The following PLEKHA6 variants were observed in gnomAD, a reference collection of about 807,000 sequenced individuals.
PLEKHA6 encodes pleckstrin homology domain containing A6.
PLEKHA6 carries 60 observed loss-of-function variants against 116.7 expected under a neutral mutation model. That is an observed-to-expected ratio of 0.51 (90% CI 0.42 to 0.64). The LOEUF is 0.64. Ranked by LOEUF, PLEKHA6 falls within the 30% of genes least tolerant of loss-of-function variation. The probability of loss-of-function intolerance (pLI) is 0.00; values close to 1 mark genes in which losing one functional copy is unlikely to be tolerated. For missense variants in PLEKHA6, 1,338 were observed against 1,422.7 expected, an observed-to-expected ratio of 0.94 and a Z score of 0.96; for synonymous variants, 489 against 556.1, an observed-to-expected ratio of 0.88 and a Z score of 1.70.
chr1:204,292,667 A>AC, intron 1 of PLEKHA6, among the ~76,000 whole-genome samples: 1 of 152,150 alleles, frequency 6.6e-6, no homozygotes, highest in Non-Finnish European at 1.5e-5. Flanking sequence ...CTCACCCAGC[A>AC]CTGGGTGGAT....
chr1:204,278,216 C>T (rs1668224383), intron 1 of PLEKHA6, among the ~76,000 whole-genome samples: 1 of 152,240 alleles, frequency 6.6e-6, no homozygotes, highest in South Asian at 2.1e-4. Context: ...CATCCCCCTG[C>T]TTCTAGGCAA....
At chr1:204,352,961 G>C (rs1210607618) in intron 1 of PLEKHA6, among the ~76,000 whole-genome samples, 3 of 152,116 alleles carry the variant, frequency 2.0e-5, no homozygotes, top group Admixed American at 6.5e-5. Flanking sequence ...TTCCAGCCTG[G>C]GGGACAGAGT....
intron 1 of PLEKHA6, chr1:204,325,778 C>T (rs895530960): frequency 8.6e-6 from 3 of 348,660 alleles, no homozygotes; most frequent in African/African-American, 4.4e-5. Context: ...CCCAGGAGGC[C>T]TTGGCGCAAG....
chr1:204,377,123 C>G (rs1289194953), intron 1 of PLEKHA6, among the ~76,000 whole-genome samples: 2 of 152,144 alleles, frequency 1.3e-5, no homozygotes, highest in African/African-American at 4.8e-5. Flanking sequence ...CACGCTGAGT[C>G]TGGGGCGAGG....
chr1:204,320,077 C>T (rs1672003104), intron 1 of PLEKHA6, among the ~76,000 whole-genome samples: 1 of 152,170 alleles, frequency 6.6e-6, no homozygotes, highest in Non-Finnish European at 1.5e-5. Context: ...CAGGAAGCCA[C>T]AAGACTTAAG....
At chr1:204,364,132 A>C (rs1027756556), upstream of PLEKHA6, among the ~76,000 whole-genome samples, 1 of 152,206 alleles carries the variant, frequency 6.6e-6, no homozygotes, top group Admixed American at 6.5e-5. Context: ...AAAAGAAACA[A>C]AATAACTCCT....
At chr1:204,365,239 G>A (rs1673627266) in intron 3 of PLEKHA6, among the ~76,000 whole-genome samples, 1 of 152,230 alleles carries the variant, frequency 6.6e-6, no homozygotes, top group Non-Finnish European at 1.5e-5. Context: ...TCCTGTAAGT[G>A]ACGGGTAACA....
At chr1:204,351,140 G>A (rs539337216) in intron 1 of PLEKHA6, among the ~76,000 whole-genome samples, 5 of 152,334 alleles carry the variant, frequency 3.3e-5, no homozygotes, top group African/African-American at 4.8e-5. Context: ...GGGACCAGCC[G>A]GGCTACCGAG....
Position 204,257,349 on chromosome 1 carries a change from T to A in PLEKHA6, c.1524+4A>T. 6.4e-7 allele frequency: 1 copy of A among 1,559,732 alleles called. No individual in the cohort carries two copies. Among genetic ancestry groups the A allele is most frequent in the Non-Finnish European group, 8.7e-7 (1 of 1,151,336 alleles). Reference sequence around the variant, plus strand: ...GAGGAAGGAAGGGCAGGCTGGTGGCTCACCTTGGGGGAGCTGATGGATCGC... The same window carrying A: ...GAGGAAGGAAGGGCAGGCTGGTGGCACACCTTGGGGGAGCTGATGGATCGC... On this transcript the variant is annotated splice_donor_region_variant and intron_variant, in intron 9 of 22. Coordinates refer to ENST00000272203, the MANE Select transcript of PLEKHA6 (RefSeq NM_014935.5). This position sits in a 1 kb window ranked among gnomAD's most constrained non-coding sequence, Gnocchi z 6.5.
At chr1:204,295,003 G>T (rs1295527206) in intron 1 of PLEKHA6, among the ~76,000 whole-genome samples, 6 of 152,168 alleles carry the variant, frequency 3.9e-5, no homozygotes, top group Non-Finnish European at 8.8e-5. Context: ...TCCTAAAGAA[G>T]TTATCCATCA....
upstream of PLEKHA6, among the ~76,000 whole-genome samples, chr1:204,362,566 A>G (rs1673581138): frequency 6.6e-6 from 1 of 152,186 alleles, no homozygotes; most frequent in South Asian, 2.1e-4. Flanking sequence ...TCTTCCTCGC[A>G]GAACATGCCA....
intron 17 of PLEKHA6, among the ~76,000 whole-genome samples, chr1:204,231,569 C>CTTTTTT (rs142955448): frequency 7.2e-6 from 1 of 138,960 alleles, no homozygotes; most frequent in Non-Finnish European, 1.5e-5. Flanking sequence ...TTTTTTCTTT[C>CTTTTTT]TTTTTTTTTT....
chr1:204,327,889 C>T (rs1672297797), intron 1 of PLEKHA6, among the ~76,000 whole-genome samples: 1 of 152,218 alleles, frequency 6.6e-6, no homozygotes, highest in Admixed American at 6.5e-5. Context: ...CTTTCCTTTC[C>T]CATTTGAGGC....
chr1:204,245,477 G>T (rs1373675227), intron 14 of PLEKHA6, 138 bp downstream of exon 14: 2 of 619,370 alleles, frequency 3.2e-6, no homozygotes, highest in Non-Finnish European at 5.7e-6. Context: ...GAACCCAGGG[G>T]AAGATTCTGG....
chr1:204,371,703 C>T (rs1164864267), intron 1 of PLEKHA6: 1 of 152,170 alleles, frequency 6.6e-6, no homozygotes, highest in African/African-American at 2.4e-5. Context: ...CTATTCAATC[C>T]CAGACACATG....
intron 1 of PLEKHA6, among the ~76,000 whole-genome samples, chr1:204,288,478 G>C (rs796697891): frequency 1.3e-5 from 2 of 152,332 alleles, no homozygotes; most frequent in African/African-American, 4.8e-5. Context: ...TGCCCAATTG[G>C]ATGAGCCCAC....
intron 1 of PLEKHA6, among the ~76,000 whole-genome samples, chr1:204,296,459 C>G (rs1242111737): frequency 1.3e-5 from 2 of 152,166 alleles, no homozygotes; most frequent in Non-Finnish European, 2.9e-5. Context: ...CCTGCACCAT[C>G]ATCACTATCT....
intron 1 of PLEKHA6, among the ~76,000 whole-genome samples, chr1:204,295,548 G>A (rs1670193070): frequency 6.6e-6 from 1 of 151,746 alleles, no homozygotes; most frequent in South Asian, 2.1e-4. Context: ...CTATCCAGCT[G>A]CATAAGGTGT....
At chr1:204,313,766 T>C (rs751402062) in intron 1 of PLEKHA6, 48 of 920,330 alleles carry the variant, frequency 5.2e-5, no homozygotes, top group Non-Finnish European at 5.8e-5. Flanking sequence ...GAGAGCACCA[T>C]GTAGGTGTCT....
Sources: gnomAD v4.1 joint callset for allele counts (sites outside exome capture counted in the v4.1 genomes callset) on GRCh38, gnomAD v4.1.1 for gene constraint, Gnocchi (gnomAD v3.1) non-coding constraint, MANE v1.5 for transcripts, NCBI Gene and HGNC (gene_info 2026-07-23, HGNC 2026-07-21) for gene names.